CARNS1: variants seen among roughly 807,000 people sequenced by gnomAD.
The protein encoded by CARNS1 is carnosine synthase 1, also known as ATP-grasp domain containing 1.
CARNS1 carries 61 observed loss-of-function variants against 74.0 expected under a neutral mutation model. That is an observed-to-expected ratio of 0.82 (90% CI 0.67 to 1.02). CARNS1 has a LOEUF of 1.02. Ranked by LOEUF, CARNS1 falls within the 50% of genes least tolerant of loss-of-function variation. The probability of loss-of-function intolerance (pLI) is 0.00; values close to 1 mark genes in which losing one functional copy is unlikely to be tolerated. For synonymous variants in CARNS1, 568 were observed against 605.5 expected (o/e 0.94, Z 0.91); for missense variants, 1,278 against 1,308.4 (o/e 0.98, Z 0.36).
rs947314505 is a variant in CARNS1, at chr11:67,424,501, GCCC to G, written c.2755_2757del (p.Pro919del). 1 of 1,588,820 alleles carries G rather than the reference GCCC, an allele frequency of 6.3e-7. No homozygotes were observed. Among genetic ancestry groups the G allele is most frequent in the Admixed American group, 1.8e-5 (1 of 56,104 alleles). On this transcript the variant is annotated inframe_deletion, in exon 10 of 10. Transcript: ENST00000687366. ...TGCAGTGTGGCCTGTGCCGGACCCA[GCCC>G]CACCGAGGCCCGTCTCCGCCTGCTG...
In CARNS1 at chr11:67,420,766, C is replaced by A; in HGVS notation, c.1271C>A (p.Ala424Asp). The change falls in exon 8 of 10, where the codon GCC becomes GAC. Residue 424 changes from alanine to aspartate, a missense_variant. By Grantham distance (126) the Ala-to-Asp change is moderately radical. Around this residue, in one of 3 missense-constraint regions of CARNS1, gnomAD observed 1,164 missense variants for 1,156.5 expected, o/e 1.01. Transcript: ENST00000687366. ...AAGGCGGCGGCCGAGGCCGCGCTGG[C>A]CGCCGTGCTGGCTCTGGAGGCCGGC... ...RVKAAAEAAL[A>D]AVLALEAGLS... 1 of 1,241,004 alleles carries A rather than the reference C, an allele frequency of 8.1e-7. No individual in the cohort carries two copies. 76.9% of individuals were successfully genotyped at this position (1,241,004 alleles called of 1,614,324 possible).
chr11:67,418,865 G>T lies in CARNS1; in HGVS notation c.474G>T (p.Gly158=). 1.2e-6 allele frequency: 2 copies of T among 1,600,848 alleles called. No homozygotes were observed. The highest frequency in any genetic ancestry group is 2.3e-5 in the East Asian group (1 of 44,210). ...LVSKAVSFHP[G]GLTFLDDFVP... ...CCAAGGCTGTGAGCTTCCACCCTGGGGGCCTGACATTCCTGGATGACTTTG... is the reference window on the plus strand; with the variant it reads ...CCAAGGCTGTGAGCTTCCACCCTGGTGGCCTGACATTCCTGGATGACTTTG... Residue 158 remains glycine (G), a synonymous_variant, in exon 5 of 10, where the codon GGG becomes GGT. Transcript: ENST00000687366.
chr11:67,415,836 G>C (rs1863531704), intron 1 of CARNS1, 73 bp downstream of exon 1: 1 of 176,380 alleles, frequency 5.7e-6, no homozygotes, highest in South Asian at 1.3e-4. Context: ...GCGGGGACGA[G>C]GACCCCGGGC....
In CARNS1 at chr11:67,418,425, C is replaced by T. The variant is rs1414176030; in HGVS notation, c.275-6C>T. On this transcript the variant is annotated splice_polypyrimidine_tract_variant and splice_region_variant and intron_variant, in intron 3 of 9. Coordinates refer to ENST00000687366, the MANE Select transcript of CARNS1 (RefSeq NM_001166222.2). ...TGGTGAGCTGGGCCATGTTCTCTTTCCCGAGGCTGTCCTGGGGCGGAGGTG... is the reference window on the plus strand; with the variant it reads ...TGGTGAGCTGGGCCATGTTCTCTTTTCCGAGGCTGTCCTGGGGCGGAGGTG... The T allele has an allele frequency of 5.5e-6, 8 of 1,444,992 alleles. No individual in the cohort carries two copies. In the East Asian group the frequency reaches 2.1e-4, roughly 38 times the overall value. The allele number at this position is 1,444,992 out of a possible 1,614,324, so 89.5% of individuals were successfully genotyped here. A position where few individuals can be genotyped will look rare whatever the true frequency, so the allele number is the denominator to read the frequency against.
In CARNS1 at chr11:67,424,499, C is replaced by T; in HGVS notation, c.2751C>T (p.Pro917=). The part of the protein sequence containing the change: ...EPYCSVACAG[P]SPTEARLRLL... The stretch of plus-strand genomic sequence containing the variant: ...ACTGCAGTGTGGCCTGTGCCGGACC[C>T]AGCCCCACCGAGGCCCGTCTCCGCC... The change falls in exon 10 of 10, where the codon CCC becomes CCT. Residue 917 remains proline, a synonymous_variant. Coordinates refer to ENST00000687366, the MANE Select transcript of CARNS1 (RefSeq NM_001166222.2). 1.3e-6 allele frequency: 2 copies of T among 1,588,740 alleles called. No homozygotes were observed. Among genetic ancestry groups the T allele is most frequent in the Non-Finnish European group, 1.7e-6 (2 of 1,169,312 alleles).
chr11:67,417,287 C>T lies in CARNS1; in HGVS notation c.4-120C>T, dbSNP rs1031525862. 23 of 1,242,620 alleles carry T rather than the reference C, an allele frequency of 1.9e-5. No individual in the cohort carries two copies. In the East Asian group the frequency reaches 4.1e-4, roughly 22 times the overall value. 77.0% of individuals were successfully genotyped at this position (1,242,620 alleles called of 1,614,324 possible). On this transcript the variant is annotated intron_variant, in intron 2 of 9. Coordinates refer to ENST00000687366, the MANE Select transcript of CARNS1 (RefSeq NM_001166222.2). ...CACAAGCCTTTCCTCTCCTAGTCCCCGGGACGGTGTCAGCCCTGAACATAG... is the reference window on the plus strand; with the variant it reads ...CACAAGCCTTTCCTCTCCTAGTCCCTGGGACGGTGTCAGCCCTGAACATAG...
chr11:67,419,408 C>T (rs185576372), intron 5 of CARNS1, 79 bp from the exon 6 acceptor site: 334 of 1,549,696 alleles, frequency 2.2e-4, no homozygotes, highest in Non-Finnish European at 2.6e-4. Flanking sequence ...GTTTACTCAC[C>T]GGCTCCTGTG....
rs767665510 is a variant in CARNS1 at position 67,421,164 on chromosome 11, C to A, written c.1571C>A (p.Ala524Asp). 15 of 1,496,226 alleles carry A rather than the reference C, an allele frequency of 1.0e-5. 1 individual carries two copies. In the South Asian group the frequency reaches 1.6e-4, roughly 16 times the overall value. The allele number at this position is 1,496,226 out of a possible 1,614,324, so 92.7% of individuals were successfully genotyped here. The change falls in exon 9 of 10, where the codon GCT becomes GAT. Residue 524 changes from alanine (A) to aspartate (D), a missense_variant. By Grantham distance (126) the Ala-to-Asp change is moderately radical. Transcript: ENST00000687366. The stretch of plus-strand genomic sequence containing the variant: ...GGAAAACAGCTGCTGGTGGTCGGCG[C>A]TGGCGGCGTCAGCAAGAAGTTCGTG... Reference protein sequence around the residue: ...MEGKQLLVVGAGGVSKKFVWE... With the variant: ...MEGKQLLVVGDGGVSKKFVWE...
Position 67,421,076 on chromosome 11 carries a change from G to A in CARNS1, c.1483G>A (p.Glu495Lys). Reference sequence around the variant, plus strand: ...GCCGCGGCTGGGGCCGGCGGCCGACGAGGCGGTGGCGGCGCCGCTGGTGGA... The same window carrying A: ...GCCGCGGCTGGGGCCGGCGGCCGACAAGGCGGTGGCGGCGCCGCTGGTGGA... ...AAPRLGPAADEAVAAPLVETM... is the reference protein window; with the variant it reads ...AAPRLGPAADKAVAAPLVETM... Residue 495 changes from glutamate to lysine, a missense_variant, in exon 9 of 10, where the codon GAG becomes AAG. This residue lies in a region of CARNS1 where 1,164 missense variants were observed against 1,156.5 expected (regional missense o/e 1.01). Coordinates refer to ENST00000687366, the MANE Select transcript of CARNS1 (RefSeq NM_001166222.2). 2 of 1,371,440 alleles carry A rather than the reference G, an allele frequency of 1.5e-6. No individual in the cohort carries two copies. Among genetic ancestry groups the A allele is most frequent in the Non-Finnish European group, 1.9e-6 (2 of 1,072,812 alleles). 85.0% of individuals were successfully genotyped at this position (1,371,440 alleles called of 1,614,324 possible). A position where few individuals can be genotyped will look rare whatever the true frequency, so the allele number is the denominator to read the frequency against.
At position 67,420,979 on chromosome 11, in the gene CARNS1, C is replaced by T. The variant is rs964916415; in HGVS notation, c.1386C>T (p.Thr462=). ...TGACAGCGGCCGGCGGCGTGCTGAC[C>T]CCAGTGGCCCTGGAGCTGAACGGCG... ...FALTAAGGVL[T]PVALELNGGL... The change falls in exon 9 of 10, where the codon ACC becomes ACT. Residue 462 remains threonine, a synonymous_variant. Transcript: ENST00000687366. 7.0e-6 allele frequency: 10 copies of T among 1,429,316 alleles called. No individual in the cohort carries two copies. The Admixed American group carries it at 8.2e-5, about 12-fold the overall frequency. 88.5% of individuals were successfully genotyped at this position (1,429,316 alleles called of 1,614,324 possible).
chr11:67,418,653 G>A (rs1244140268), intron 4 of CARNS1, 103 bp from the exon 5 acceptor site: 1 of 1,446,502 alleles, frequency 6.9e-7, no homozygotes, highest in Admixed American at 2.4e-5. Context: ...CATGCTGAAT[G>A]GGGATGGGTT....
chr11:67,421,348 G>A, intron 9 of CARNS1, 129 bp downstream of exon 9: 1 of 1,091,802 alleles, frequency 9.2e-7, no homozygotes, highest in Non-Finnish European at 1.2e-6. Flanking sequence ...GGCGGTGCTT[G>A]GGCGGGGCAT....
chr11:67,420,588 CCT>C lies in CARNS1; in HGVS notation c.1114-20_1114-19del, dbSNP rs929805389. 4.6e-5 allele frequency: 57 copies of C among 1,230,242 alleles called. No individual in the cohort carries two copies. The highest frequency in any genetic ancestry group is 1.9e-4 in the African/African-American group (12 of 64,438). The allele number at this position is 1,230,242 out of a possible 1,614,324, so 76.2% of individuals were successfully genotyped here. On this transcript the variant is annotated intron_variant, in intron 7 of 9. Coordinates refer to ENST00000687366, the MANE Select transcript of CARNS1 (RefSeq NM_001166222.2). Reference sequence around the variant, plus strand: ...GGGGCAGGGAGTGTGTGGGCCTCCCCCTGAGTCTCCCCCTGCCCAGGTGGTGT... The same window carrying C: ...GGGGCAGGGAGTGTGTGGGCCTCCCCGAGTCTCCCCCTGCCCAGGTGGTGT...
At chr11:67,420,099 T>C (rs1195298187) in intron 7 of CARNS1, among the ~76,000 whole-genome samples, 1 of 152,146 alleles carries the variant, frequency 6.6e-6, no homozygotes, top group Non-Finnish European at 1.5e-5. Flanking sequence ...GGGGGCTGAA[T>C]TGTCTTCCCA....
At position 67,422,579 on chromosome 11, in the gene CARNS1, G is replaced by A. The variant is rs371838827; in HGVS notation, c.1627-796G>A. On this transcript the variant is annotated intron_variant, in intron 9 of 9. Coordinates refer to ENST00000687366, the MANE Select transcript of CARNS1 (RefSeq NM_001166222.2). ...TGAGCTCAAGCGATCCTCCTGCTTC[G>A]GCCTCCCAAAGTGCTGGGATTACAG... Among the ~76,000 whole-genome samples the A allele has an allele frequency of 4.6e-5, 7 of 151,168 alleles. No individual in the cohort carries two copies. The East Asian group carries it at 9.9e-4, about 21-fold the overall frequency.
intron 9 of CARNS1, among the ~76,000 whole-genome samples, chr11:67,422,803 TG>T (rs2135097377): frequency 6.6e-6 from 1 of 152,368 alleles, no homozygotes; most frequent in African/African-American, 2.4e-5. Flanking sequence ...GTCACTCCAC[TG>T]CCGAGGCTGT....
Position 67,418,443 on chromosome 11 carries a change from C to A in CARNS1, c.287C>A (p.Ala96Glu). 1 of 1,457,296 alleles carries A rather than the reference C, an allele frequency of 6.9e-7. No individual in the cohort carries two copies. 90.3% of individuals were successfully genotyped at this position (1,457,296 alleles called of 1,614,324 possible). ...GQVPRTGCPG[A>E]EVTLCVLGSP... ...TCTCTTTCCCGAGGCTGTCCTGGGG[C>A]GGAGGTGACCTTGTGCGTTCTGGGC... is the stretch of plus-strand genomic sequence containing the variant. The change falls in exon 4 of 10, where the codon GCG (alanine) becomes GAG (glutamate). Residue 96 changes from alanine (A) to glutamate (E), a missense_variant. Ala to Glu is a moderately radical substitution (Grantham distance 107). This residue lies in a region of CARNS1 where 10 missense variants were observed against 24.7 expected (regional missense o/e 0.41). Coordinates refer to ENST00000687366, the MANE Select transcript of CARNS1 (RefSeq NM_001166222.2).
Position 67,420,677 on chromosome 11 carries a change from G to A in CARNS1, c.1182G>A (p.Glu394=). ...RHHNSLPRTL[E]VALAQCGLGE... ...ACAACTCCCTGCCGAGGACGCTGGA[G>A]GTGGCGCTGGCCCAGTGCGGCCTGG... Residue 394 remains glutamate, a synonymous_variant, in exon 8 of 10, where the codon GAG becomes GAA. Transcript: ENST00000687366. 7.9e-7 allele frequency: 1 copy of A among 1,262,710 alleles called. No homozygotes were observed. Among genetic ancestry groups the A allele is most frequent in the Non-Finnish European group, 9.9e-7 (1 of 1,005,756 alleles). The allele number at this position is 1,262,710 out of a possible 1,614,324, so 78.2% of individuals were successfully genotyped here. A position where few individuals can be genotyped will look rare whatever the true frequency, so the allele number is the denominator to read the frequency against.
At chr11:67,418,073 G>A (rs1330321329) in intron 3 of CARNS1, among the ~76,000 whole-genome samples, 3 of 152,164 alleles carry the variant, frequency 2.0e-5, no homozygotes, top group Non-Finnish European at 4.4e-5. Flanking sequence ...TGGACAGAGG[G>A]TTCACAGGCA....
Sources: gnomAD v4.1 joint callset for allele counts (sites outside exome capture counted in the v4.1 genomes callset) on GRCh38, gnomAD v4.1.1 for gene constraint, gnomAD v4.1.1 regional missense constraint, MANE v1.5 for transcripts, NCBI Gene and HGNC (gene_info 2026-07-23, HGNC 2026-07-21) for gene names.